Variants in PWWP2A observed in about 807,000 individuals in gnomAD.
PWWP2A encodes PWWP domain containing 2A.
In PWWP2A, 18 loss-of-function variants were observed where a neutral mutation model predicts 48.5. That is an observed-to-expected ratio of 0.37 (90% confidence interval 0.26 to 0.55). The LOEUF (loss-of-function observed/expected upper bound fraction) is 0.55, where lower values mean the gene tolerates loss of function less well. Ranked by LOEUF, PWWP2A falls within the 20% of genes least tolerant of loss-of-function variation. The pLI, the probability that PWWP2A is intolerant of heterozygous loss-of-function variation, is 0.81. For missense variants in PWWP2A, 867 were observed against 976.4 expected (o/e 0.89, Z 1.49); for synonymous variants, 396 against 387.7 (o/e 1.02, Z -0.25).
chr5:160,047,673 C>T, the PWWP2A span, among the ~76,000 whole-genome samples: 1 of 152,090 alleles, frequency 6.6e-6, no homozygotes, highest in African/African-American at 2.4e-5. Flanking sequence ...TTTCCCTGGC[C>T]AGGAAGGTCC....
chr5:160,094,854 T>C (rs1755446009), intron 1 of PWWP2A, among the ~76,000 whole-genome samples: 1 of 151,840 alleles, frequency 6.6e-6, no homozygotes, highest in South Asian at 2.1e-4. Flanking sequence ...GAGACCATCC[T>C]GGCGAACACG....
chr5:160,090,634 A>C (rs1754986990), downstream of PWWP2A: 1 of 985,220 alleles, frequency 1.0e-6, no homozygotes, highest in East Asian at 1.1e-4. Context: ...ATTCGCAATC[A>C]GTCAATAACC....
chr5:160,116,669 C>T (rs1196976702), intron 1 of PWWP2A: 2 of 985,112 alleles, frequency 2.0e-6, no homozygotes, highest in Admixed American at 6.2e-5. Context: ...TTATCCATTC[C>T]ATTTCCAAAA....
At chr5:160,052,954 TTGAA>T in the PWWP2A span, among the ~76,000 whole-genome samples, 1 of 152,234 alleles carries the variant, frequency 6.6e-6, no homozygotes, top group Admixed American at 6.5e-5. Context: ...CATGTGTAGT[TTGAA>T]TGGCTAGATT....
the PWWP2A span, among the ~76,000 whole-genome samples, chr5:160,048,126 C>CTT: frequency 6.5e-4 from 23 of 35,570 alleles, 5 homozygotes; most frequent in South Asian, 3.2e-3. Flanking sequence ...CAAGACATTG[C>CTT]TTTTTTTTTT....
downstream of PWWP2A, among the ~76,000 whole-genome samples, chr5:160,089,165 G>A (rs78966134): frequency 7.3e-3 from 1,113 of 152,216 alleles, 14 homozygotes; most frequent in African/African-American, 0.026. Flanking sequence ...CTCCAGACTA[G>A]TGAATCCCAG....
At chr5:160,085,060 ACT>A (rs1286324297) in intron 2 of PWWP2A, among the ~76,000 whole-genome samples, 2 of 151,866 alleles carry the variant, frequency 1.3e-5, no homozygotes, top group Non-Finnish European at 2.9e-5. Flanking sequence ...ATGGAGTTTC[ACT>A]CTGTTACCCA....
chr5:160,115,626 GA>G (rs1390860845), intron 1 of PWWP2A, among the ~76,000 whole-genome samples: 1 of 151,822 alleles, frequency 6.6e-6, no homozygotes, highest in African/African-American at 2.4e-5. Flanking sequence ...CCAGGAGGTG[GA>G]GGTTGCACTG....
intron 1 of PWWP2A, among the ~76,000 whole-genome samples, chr5:160,111,754 G>A (rs918664966): frequency 6.6e-6 from 1 of 152,206 alleles, no homozygotes; most frequent in Non-Finnish European, 1.5e-5. Context: ...AACTGAATTT[G>A]TAGGGTTAAT....
chr5:160,119,414 A>G lies in PWWP2A; in HGVS notation c.-26T>C. 1.5e-6 allele frequency: 2 copies of G among 1,344,832 alleles called. No individual in the cohort carries two copies. The highest frequency in any genetic ancestry group is 1.9e-6 in the Non-Finnish European group (2 of 1,053,438). The allele number at this position is 1,344,832 out of a possible 1,614,324, so 83.3% of individuals were successfully genotyped here. A position where few individuals can be genotyped will look rare whatever the true frequency, so the allele number is the denominator to read the frequency against. ...TTTCTTCCTAGCTTCTCCCTCCTCC[A>G]ACTCCGGCTGCAGCGGCGGCGGCGA... On this transcript the variant is annotated 5_prime_UTR_variant, in exon 1 of 2. Transcript: ENST00000307063.
chr5:160,064,516 A>T (rs149015492), intron 4 of PWWP2A, among the ~76,000 whole-genome samples: 32 of 152,284 alleles, frequency 2.1e-4, no homozygotes, highest in African/African-American at 6.7e-4. Context: ...TAGAGAGAAG[A>T]GACTTGGAGG....
intron 1 of PWWP2A, among the ~76,000 whole-genome samples, chr5:160,103,218 CTAAAAA>C (rs1156791059): frequency 6.6e-6 from 1 of 152,138 alleles, no homozygotes; most frequent in Non-Finnish European, 1.5e-5. Context: ...TTCAAACTAT[CTAAAAA>C]TAAGAAGCTA....
intron 2 of PWWP2A, among the ~76,000 whole-genome samples, chr5:160,085,420 T>C (rs1016662191): frequency 2.0e-5 from 3 of 151,992 alleles, no homozygotes; most frequent in Non-Finnish European, 2.9e-5. Context: ...ACAACCAGGA[T>C]AGAAAAAGTT....
rs1206115962 is a variant in PWWP2A at position 160,119,051 on chromosome 5, A to C, written c.338T>G (p.Leu113Arg). 6 of 1,593,384 alleles carry C rather than the reference A, an allele frequency of 3.8e-6. No individual in the cohort carries two copies. The highest frequency in any genetic ancestry group is 5.1e-6 in the Non-Finnish European group (6 of 1,176,464). The change falls in exon 1 of 2, where the codon CTT becomes CGT. Residue 113 changes from leucine to arginine, a missense_variant. Physicochemically the swap from Leu to Arg is moderately radical, Grantham distance 102. Coordinates refer to ENST00000307063, the MANE Select transcript of PWWP2A (RefSeq NM_001130864.2). ...AAAAPQGGPE[L>R]PPSPASPPEQ... is the part of the protein sequence containing the mutation. ...CGGCGGCGATGCAGGAGAAGGTGGA[A>C]GTTCCGGCCCTCCCTGAGGCGCGGC... is the stretch of plus-strand genomic sequence containing the variant.
chr5:160,084,492 G>A (rs548548591), intron 2 of PWWP2A, among the ~76,000 whole-genome samples: 1 of 152,272 alleles, frequency 6.6e-6, no homozygotes, highest in East Asian at 1.9e-4. Flanking sequence ...GCAGTGGCAG[G>A]ATGATGGCTA....
At chr5:160,111,926 G>A (rs918703948) in intron 1 of PWWP2A, among the ~76,000 whole-genome samples, 9 of 151,742 alleles carry the variant, frequency 5.9e-5, no homozygotes, top group East Asian at 1.9e-4. Context: ...AGGCCCAGGC[G>A]GATGAGCCTG....
At position 160,119,037 on chromosome 5, in the gene PWWP2A, CAGG is replaced by C; in HGVS notation, c.349_351del (p.Pro117del). On this transcript the variant is annotated inframe_deletion, in exon 1 of 2. Coordinates refer to ENST00000307063, the MANE Select transcript of PWWP2A (RefSeq NM_001130864.2). ...GCCGGGGGCTGCTCCGGCGGCGATG[CAGG>C]AGAAGGTGGAAGTTCCGGCCCTCCC... 11 of 1,595,994 alleles carry C rather than the reference CAGG, an allele frequency of 6.9e-6. No individual in the cohort carries two copies. The highest frequency in any genetic ancestry group is 5.5e-5 in the South Asian group (5 of 90,300).
intron 2 of PWWP2A, among the ~76,000 whole-genome samples, chr5:160,069,300 CT>C (rs1753688382): frequency 6.6e-6 from 1 of 151,916 alleles, no homozygotes; most frequent in African/African-American, 2.4e-5. Context: ...AAAAAAAAGG[CT>C]TACTTGCTAT....
chr5:160,056,975 G>T (rs999018557), downstream of PWWP2A, among the ~76,000 whole-genome samples: 7 of 151,740 alleles, frequency 4.6e-5, no homozygotes, highest in Admixed American at 3.9e-4. Context: ...CAGAAACCCA[G>T]TCTTTTTTTT....
Sources: gnomAD v4.1 joint callset for allele counts (sites outside exome capture counted in the v4.1 genomes callset) on GRCh38, gnomAD v4.1.1 for gene constraint, MANE v1.5 for transcripts, NCBI Gene and HGNC (gene_info 2026-07-23, HGNC 2026-07-21) for gene names.